Variants in PDZD2 observed in about 807,000 individuals in gnomAD.
The protein encoded by PDZD2 is PDZ domain containing 2, also known as PDZ domain-containing protein 2.
PDZD2 carries 90 observed loss-of-function variants against 220.7 expected under a neutral mutation model. The ratio of observed to expected loss-of-function variants is 0.41; its 90% CI spans 0.34 to 0.49. The LOEUF (loss-of-function observed/expected upper bound fraction) is 0.49. Ranked by LOEUF, PDZD2 falls within the 20% of genes least tolerant of loss-of-function variation. The pLI is 0.28. For missense variants in PDZD2, 3,174 were observed against 3,608.5 expected (o/e 0.88, Z 3.08); for synonymous variants, 1,375 against 1,450.5 (o/e 0.95, Z 1.18).
chr5:31,991,955 C>G (rs769740626), intron 3 of PDZD2, among the ~76,000 whole-genome samples: 1 of 152,130 alleles, frequency 6.6e-6, no homozygotes, highest in Non-Finnish European at 1.5e-5. Flanking sequence ...ATCACTTGAA[C>G]CCAGGAGGCA....
At chr5:31,945,871 TC>T (rs1231842694) in intron 2 of PDZD2, among the ~76,000 whole-genome samples, 1 of 152,178 alleles carries the variant, frequency 6.6e-6, no homozygotes, top group African/African-American at 2.4e-5. Context: ...CCTTTTTTCC[TC>T]TTTCTATTTC....
chr5:31,694,156 C>G (rs902089248), intron 1 of PDZD2, among the ~76,000 whole-genome samples: 4 of 152,086 alleles, frequency 2.6e-5, no homozygotes, highest in African/African-American at 9.7e-5. Context: ...TTTGGGAGGC[C>G]ATGGTGGGCA....
At chr5:32,106,761 A>T (rs1289031515) in intron 24 of PDZD2, among the ~76,000 whole-genome samples, 1 of 152,208 alleles carries the variant, frequency 6.6e-6, no homozygotes, top group Non-Finnish European at 1.5e-5. Flanking sequence ...ATTGGGTACT[A>T]AGTTAACACA....
chr5:31,655,959 A>G (rs1012478474), intron 1 of PDZD2, among the ~76,000 whole-genome samples: 3 of 152,360 alleles, frequency 2.0e-5, no homozygotes, highest in Middle Eastern at 3.4e-3. Context: ...GTGATAGCAT[A>G]TTAGGGTTTA....
chr5:31,778,309 G>A (rs1195105432), intron 1 of PDZD2, among the ~76,000 whole-genome samples: 1 of 151,982 alleles, frequency 6.6e-6, no homozygotes, highest in African/African-American at 2.4e-5. Context: ...AGCCAGCAGT[G>A]GCAAGAGGCT....
intron 1 of PDZD2, among the ~76,000 whole-genome samples, chr5:31,693,567 T>G (rs1385638492): frequency 1.3e-5 from 2 of 152,036 alleles, no homozygotes; most frequent in East Asian, 3.9e-4. Flanking sequence ...TTCTGTCTCC[T>G]TCAGTGATGA....
Position 31,646,147 on chromosome 5 carries a change from A to G in PDZD2, c.-361+6710A>G, listed in dbSNP as rs1745128666. Among the ~76,000 whole-genome samples the G allele has an allele frequency of 6.6e-6, 1 of 152,146 alleles. No homozygotes were observed. Among genetic ancestry groups the G allele is most frequent in the African/African-American group, 2.4e-5 (1 of 41,434 alleles). ...TTTGTCCCTTTCACCAAAGGCCAGCATGTTTCCGATGCCTGTCTAAGGTGA... is the reference window on the plus strand; with the variant it reads ...TTTGTCCCTTTCACCAAAGGCCAGCGTGTTTCCGATGCCTGTCTAAGGTGA... On this transcript the variant is annotated intron_variant, in intron 1 of 24. Transcript: ENST00000438447. This position sits in a 1 kb window ranked among gnomAD's most constrained non-coding sequence, Gnocchi z 4.7.
chr5:31,759,761 T>C (rs1277240518), intron 1 of PDZD2, among the ~76,000 whole-genome samples: 2 of 151,958 alleles, frequency 1.3e-5, no homozygotes, highest in Non-Finnish European at 2.9e-5. Context: ...GCCAGGCTGG[T>C]CTCAAACTCC....
intron 2 of PDZD2, among the ~76,000 whole-genome samples, chr5:31,919,831 T>C (rs1204816848): frequency 3.4e-5 from 5 of 148,426 alleles, no homozygotes; most frequent in Non-Finnish European, 7.4e-5. Context: ...ACCTGGGAAA[T>C]ATAGTAAAAC....
chr5:31,772,752 T>G (rs1039846373), intron 1 of PDZD2, among the ~76,000 whole-genome samples: 2 of 152,262 alleles, frequency 1.3e-5, no homozygotes, highest in African/African-American at 4.8e-5. Flanking sequence ...CATGGTTTCC[T>G]AGACATTTGT....
rs1379653339 is a variant in PDZD2, at chr5:32,110,885, C to T, written c.*2750C>T. 3 of 151,682 alleles carry T rather than the reference C, an allele frequency of 2.0e-5. No homozygotes were observed. The highest frequency in any genetic ancestry group is 6.6e-5 in the Admixed American group (1 of 15,234). The allele number at this position is 151,682 out of a possible 1,614,324, so 9.4% of individuals were successfully genotyped here. A position where few individuals can be genotyped will look rare whatever the true frequency, so the allele number is the denominator to read the frequency against. On this transcript the variant is annotated 3_prime_UTR_variant, in exon 25 of 25. Coordinates refer to ENST00000438447, the MANE Select transcript of PDZD2 (RefSeq NM_178140.4). ...ATAAATCCACATCTCTGTAAACAAC[C>T]TTTTTTAAGTAATTTTAAAAAAAAT...
intron 2 of PDZD2, among the ~76,000 whole-genome samples, chr5:31,859,855 A>C (rs1399839516): frequency 6.6e-6 from 1 of 152,136 alleles, no homozygotes; most frequent in African/African-American, 2.4e-5. Context: ...ACCTTTCCAT[A>C]CATGTAATAT....
chr5:31,703,065 G>T (rs1284805308), intron 1 of PDZD2, among the ~76,000 whole-genome samples: 2 of 152,212 alleles, frequency 1.3e-5, no homozygotes, highest in African/African-American at 4.8e-5. Flanking sequence ...GGTCTTCTCA[G>T]CTCCACTCAT....
In PDZD2 at chr5:31,914,459, C is replaced by T. The variant is rs193195672; in HGVS notation, c.477-68696C>T. ...CAGAGAATTGCTTGAACCCAGGAGGCGGAGGTTGCAGTGAGCCGAGATTGC... is the reference window on the plus strand; with the variant it reads ...CAGAGAATTGCTTGAACCCAGGAGGTGGAGGTTGCAGTGAGCCGAGATTGC... On this transcript the variant is annotated intron_variant, in intron 2 of 24. Coordinates refer to ENST00000438447, the MANE Select transcript of PDZD2 (RefSeq NM_178140.4). Among the ~76,000 whole-genome samples the T allele has an allele frequency of 3.7e-3, 557 of 152,200 alleles. 3 individuals carry two copies. The highest frequency in any genetic ancestry group is 6.5e-3 in the Non-Finnish European group (443 of 68,010).
At chr5:31,690,193 C>T (rs756177128) in intron 1 of PDZD2, among the ~76,000 whole-genome samples, 4 of 152,020 alleles carry the variant, frequency 2.6e-5, no homozygotes, top group Non-Finnish European at 2.9e-5. Context: ...GGAGATAGCA[C>T]CCTTAGAGGG....
intron 3 of PDZD2, among the ~76,000 whole-genome samples, chr5:31,986,116 C>CT (rs1168512494): frequency 6.6e-6 from 1 of 150,996 alleles, no homozygotes; most frequent in Non-Finnish European, 1.5e-5. Context: ...TCTGGAGTCG[C>CT]TATTTGAAGA....
intron 2 of PDZD2, among the ~76,000 whole-genome samples, chr5:31,842,719 C>T (rs1757382052): frequency 6.6e-6 from 1 of 152,108 alleles, no homozygotes; most frequent in South Asian, 2.1e-4. Context: ...ATAATACTAA[C>T]AATGTGACAG....
chr5:31,700,421 G>A (rs1747562529), intron 1 of PDZD2, among the ~76,000 whole-genome samples: 1 of 152,036 alleles, frequency 6.6e-6, no homozygotes, highest in Non-Finnish European at 1.5e-5. Context: ...TGAGGAGTTG[G>A]AGGTCTTTGC....
chr5:31,654,829 A>G (rs1474285530), intron 1 of PDZD2, among the ~76,000 whole-genome samples: 1 of 152,126 alleles, frequency 6.6e-6, no homozygotes, highest in Non-Finnish European at 1.5e-5. Context: ...TGGAAATCAT[A>G]TCCTGTCAGT....
Sources: allele counts gnomAD v4.1 joint callset (sites outside exome capture counted in the v4.1 genomes callset), GRCh38; gene constraint gnomAD v4.1.1; non-coding constraint Gnocchi (gnomAD v3.1); transcripts MANE v1.5; gene names NCBI Gene and HGNC (gene_info 2026-07-23, HGNC 2026-07-21).